The following NPAS3 variants were observed in gnomAD, a reference collection of about 807,000 sequenced individuals.
The protein encoded by NPAS3 is neuronal PAS domain-containing protein 3.
In NPAS3, 14 loss-of-function variants were observed where a neutral mutation model predicts 73.1. The ratio of observed to expected loss-of-function variants is 0.19; its 90% CI spans 0.13 to 0.30. NPAS3 has a LOEUF of 0.30. Ranked by LOEUF, NPAS3 falls within the 10% of genes least tolerant of loss-of-function variation. The pLI is 1.00. For missense variants in NPAS3, 1,096 were observed against 1,250.0 expected (o/e 0.88, Z 1.86); for synonymous variants, 620 against 541.5 (o/e 1.14, Z -2.01).
intron 7 of NPAS3, among the ~76,000 whole-genome samples, chr14:33,765,025 A>G (rs74044707): frequency 0.031 from 4,747 of 152,284 alleles, 223 homozygotes; most frequent in African/African-American, 0.1. Flanking sequence ...AACTATCCCA[A>G]TAAAAAATCT....
At chr14:33,388,883 C>G (rs750911904) in intron 4 of NPAS3, among the ~76,000 whole-genome samples, 2 of 152,156 alleles carry the variant, frequency 1.3e-5, no homozygotes, top group Admixed American at 6.5e-5. Flanking sequence ...ATATAATCCA[C>G]GTAAAGCCCT....
chr14:33,782,076 A>G (rs1197983809), intron 9 of NPAS3, among the ~76,000 whole-genome samples: 1 of 152,136 alleles, frequency 6.6e-6, no homozygotes, highest in East Asian at 1.9e-4. Context: ...TCTAAAGCCT[A>G]GGGAGTTCTA....
At chr14:33,371,719 A>G (rs1219801082) in intron 4 of NPAS3, among the ~76,000 whole-genome samples, 1 of 152,204 alleles carries the variant, frequency 6.6e-6, no homozygotes, top group Non-Finnish European at 1.5e-5. Context: ...AAGAGAAGAT[A>G]AAATATTGAA....
intron 4 of NPAS3, among the ~76,000 whole-genome samples, chr14:33,392,098 TTGAC>T: frequency 6.6e-6 from 1 of 152,282 alleles, no homozygotes; most frequent in South Asian, 2.1e-4. Context: ...AAAAGTTAGT[TTGAC>T]TAATAAAACA....
At chr14:33,669,594 T>C (rs2140308875) in intron 5 of NPAS3, among the ~76,000 whole-genome samples, 1 of 152,304 alleles carries the variant, frequency 6.6e-6, no homozygotes, top group African/African-American at 2.4e-5. Context: ...CAGCGTATAA[T>C]TTACCCTTAA....
At chr14:32,956,346 A>G (rs1004689926) in intron 1 of NPAS3, among the ~76,000 whole-genome samples, 2 of 152,186 alleles carry the variant, frequency 1.3e-5, no homozygotes, top group African/African-American at 2.4e-5. Flanking sequence ...CAGTTATCAC[A>G]TGGCCTTGTG....
chr14:33,469,674 G>A (rs1181056265), intron 4 of NPAS3, among the ~76,000 whole-genome samples: 1 of 152,104 alleles, frequency 6.6e-6, no homozygotes. Flanking sequence ...TTTAAGACAG[G>A]CTGTTGATAA....
chr14:33,765,803 G>C (rs769015518), intron 7 of NPAS3, among the ~76,000 whole-genome samples: 1 of 152,170 alleles, frequency 6.6e-6, no homozygotes, highest in African/African-American at 2.4e-5. Context: ...GCAGCTGGGT[G>C]GATGGTATGT....
intron 2 of NPAS3, among the ~76,000 whole-genome samples, chr14:33,107,015 T>C (rs148521035): frequency 4.9e-4 from 74 of 152,276 alleles, no homozygotes; most frequent in African/African-American, 1.7e-3. Flanking sequence ...TGAGTGTCAC[T>C]GGCTGTTGTA....
At chr14:33,164,333 G>T (rs2045038003) in intron 2 of NPAS3, among the ~76,000 whole-genome samples, 2 of 152,118 alleles carry the variant, frequency 1.3e-5, no homozygotes, top group South Asian at 4.1e-4. Flanking sequence ...ACTTATCAGA[G>T]AATGGAATTG....
At chr14:33,163,909 A>C (rs1430696435) in intron 2 of NPAS3, among the ~76,000 whole-genome samples, 1 of 152,196 alleles carries the variant, frequency 6.6e-6, no homozygotes, top group Non-Finnish European at 1.5e-5. Context: ...GACAGTGTAA[A>C]GAAAAAAGTG....
At chr14:33,084,393 G>A (rs774175054) in intron 2 of NPAS3, among the ~76,000 whole-genome samples, 9 of 152,184 alleles carry the variant, frequency 5.9e-5, no homozygotes, top group Non-Finnish European at 8.8e-5. Context: ...CAGTGCAAAG[G>A]AAGGCTTGCA....
At chr14:33,249,790 T>C (rs1454028321) in intron 3 of NPAS3, among the ~76,000 whole-genome samples, 1 of 152,126 alleles carries the variant, frequency 6.6e-6, no homozygotes, top group East Asian at 1.9e-4. Context: ...AAATAATGGA[T>C]ACATTTGTAC....
At chr14:33,573,561 C>T (rs1002645883) in intron 5 of NPAS3, among the ~76,000 whole-genome samples, 3 of 152,126 alleles carry the variant, frequency 2.0e-5, no homozygotes, top group African/African-American at 4.8e-5. Context: ...AAGGCATTTT[C>T]CTTGTAGGAA....
chr14:33,224,754 G>A (rs940623819), intron 3 of NPAS3, among the ~76,000 whole-genome samples: 14 of 151,836 alleles, frequency 9.2e-5, no homozygotes, highest in African/African-American at 3.4e-4. Context: ...TTAGACCCTG[G>A]CCCATTTTAG....
intron 6 of NPAS3, among the ~76,000 whole-genome samples, chr14:33,703,661 A>C (rs1347297755): frequency 6.6e-6 from 1 of 152,200 alleles, no homozygotes; most frequent in Non-Finnish European, 1.5e-5. Flanking sequence ...AGGCAATAAT[A>C]CATGATGATA....
intron 2 of NPAS3, among the ~76,000 whole-genome samples, chr14:33,124,867 A>T (rs981058980): frequency 4.8e-4 from 73 of 152,142 alleles, no homozygotes; most frequent in African/African-American, 1.6e-3. Context: ...GATAAATTGC[A>T]TAATATAAAG....
At chr14:33,022,797 A>G (rs1270480819) in intron 1 of NPAS3, among the ~76,000 whole-genome samples, 2 of 152,156 alleles carry the variant, frequency 1.3e-5, no homozygotes, top group Admixed American at 1.3e-4. Flanking sequence ...AAGGATAAAT[A>G]ATATATTTTA....
chr14:33,763,565 A>C (rs1241357926), intron 7 of NPAS3, among the ~76,000 whole-genome samples: 1 of 152,164 alleles, frequency 6.6e-6, no homozygotes, highest in Non-Finnish European at 1.5e-5. Context: ...AGTCAGGCTC[A>C]CTCACTTTCC....
Sources: allele counts gnomAD v4.1 joint callset (sites outside exome capture counted in the v4.1 genomes callset), GRCh38; gene constraint gnomAD v4.1.1; transcripts MANE v1.5; gene names NCBI Gene and HGNC (gene_info 2026-07-23, HGNC 2026-07-21).